The following CCDC141 variants were observed in gnomAD, a reference collection of about 807,000 sequenced individuals.
The protein encoded by CCDC141 is coiled-coil domain-containing protein 141.
CCDC141 carries 168 observed loss-of-function variants against 181.0 expected under a neutral mutation model. That is an observed-to-expected ratio of 0.93 (90% confidence interval 0.82 to 1.05). The LOEUF (loss-of-function observed/expected upper bound fraction) is 1.05. Ranked by LOEUF, CCDC141 falls within the 50% of genes least tolerant of loss-of-function variation. The probability of loss-of-function intolerance (pLI) is 0.00; values close to 1 mark genes in which losing one functional copy is unlikely to be tolerated. For synonymous variants in CCDC141, 666 were observed against 642.3 expected (o/e 1.04, Z -0.56); for missense variants, 1,902 against 1,788.5 (o/e 1.06, Z -1.14).
intron 12 of CCDC141, chr2:178,872,944 G>T (rs565446390): frequency 1.3e-5 from 2 of 152,156 alleles, no homozygotes; most frequent in Admixed American, 1.3e-4. Flanking sequence ...CTGCTTGACT[G>T]GTTTGAAATC....
intron 2 of CCDC141, among the ~76,000 whole-genome samples, chr2:178,983,206 C>A (rs1017706424): frequency 1.3e-5 from 2 of 152,208 alleles, no homozygotes; most frequent in Admixed American, 6.5e-5. Flanking sequence ...CAGGGGCACA[C>A]TGACACCTCA....
intron 17 of CCDC141, among the ~76,000 whole-genome samples, chr2:178,862,032 G>A (rs1197904154): frequency 6.6e-6 from 1 of 152,132 alleles, no homozygotes; most frequent in African/African-American, 2.4e-5. Flanking sequence ...ATGTCAGACG[G>A]TTTTAATTTT....
chr2:179,024,689 C>T (rs1325620371), intron 2 of CCDC141, among the ~76,000 whole-genome samples: 1 of 152,208 alleles, frequency 6.6e-6, no homozygotes, highest in East Asian at 1.9e-4. Context: ...CTCAAACACA[C>T]TGCTGTTTTC....
chr2:179,043,457 G>A (rs2043380889), intron 2 of CCDC141, among the ~76,000 whole-genome samples: 1 of 152,094 alleles, frequency 6.6e-6, no homozygotes, highest in Non-Finnish European at 1.5e-5. Context: ...CAAAATACTA[G>A]TAAACCAAAT....
chr2:178,968,824 A>G (rs532156568), intron 4 of CCDC141, among the ~76,000 whole-genome samples: 1 of 151,702 alleles, frequency 6.6e-6, no homozygotes, highest in Admixed American at 6.6e-5. Flanking sequence ...AGATCAACAA[A>G]ACAGACCGCT....
At chr2:178,941,716 G>A (rs913417984) in intron 6 of CCDC141, among the ~76,000 whole-genome samples, 1 of 151,802 alleles carries the variant, frequency 6.6e-6, no homozygotes, top group Non-Finnish European at 1.5e-5. Context: ...ACTTTAGAAG[G>A]CTGAGGTGGG....
chr2:178,962,588 C>T (rs1248710907), intron 4 of CCDC141, among the ~76,000 whole-genome samples: 1 of 151,942 alleles, frequency 6.6e-6, no homozygotes, highest in African/African-American at 2.4e-5. Context: ...CTTTCCCTCC[C>T]CTTCTTTCTT....
chr2:178,914,540 G>T (rs775313893), intron 7 of CCDC141, among the ~76,000 whole-genome samples: 5 of 152,124 alleles, frequency 3.3e-5, no homozygotes, highest in African/African-American at 1.2e-4. Flanking sequence ...TGAACCTTGG[G>T]TAATCATCAA....
intron 14 of CCDC141, among the ~76,000 whole-genome samples, chr2:178,870,023 G>T (rs180885105): frequency 6.6e-6 from 1 of 152,264 alleles, no homozygotes; most frequent in East Asian, 1.9e-4. Context: ...CCTGAAGGCA[G>T]GAGTTCAAGA....
intron 6 of CCDC141, among the ~76,000 whole-genome samples, chr2:178,941,947 A>G (rs1689532975): frequency 8.7e-6 from 1 of 114,490 alleles, no homozygotes; most frequent in Admixed American, 1.1e-4. Context: ...TGACAGAGAG[A>G]GATCCCATCT....
At chr2:179,047,520 T>C (rs2043538694) in intron 1 of CCDC141, 114 bp from the exon 2 acceptor site, 3 of 913,404 alleles carry the variant, frequency 3.3e-6, no homozygotes, top group South Asian at 3.2e-5. Flanking sequence ...AACACTTTTT[T>C]CTATTTTCTA....
At chr2:178,825,897 T>C (rs897303520), downstream of CCDC141, among the ~76,000 whole-genome samples, 3 of 152,178 alleles carry the variant, frequency 2.0e-5, no homozygotes, top group South Asian at 4.1e-4. Context: ...TGGGATTTTC[T>C]AGGTAGAAAG....
intron 8 of CCDC141, among the ~76,000 whole-genome samples, chr2:178,889,376 C>T (rs76294595): frequency 0.071 from 10,796 of 152,150 alleles, 561 homozygotes; most frequent in Admixed American, 0.16. Context: ...TAACAAGTTT[C>T]CTCATATTGT....
Position 178,888,591 on chromosome 2 carries a change from G to C in CCDC141, c.1343C>G (p.Ala448Gly). Residue 448 changes from alanine (A) to glycine (G), a missense_variant, in exon 9 of 24, where the codon GCG (alanine) becomes GGG (glycine). Coordinates refer to ENST00000443758, the MANE Select transcript of CCDC141 (RefSeq NM_173648.4). ...RVDHLTEQCSAHKEYALKKQQ... is the reference protein window; with the variant it reads ...RVDHLTEQCSGHKEYALKKQQ... The stretch of plus-strand genomic sequence containing the variant: ...TTTCTTAAGAGCATATTCCTTGTGC[G>C]CTGAACACTGTTCGGTCAGATGATC... 2.6e-6 allele frequency: 4 copies of C among 1,550,574 alleles called. No individual in the cohort carries two copies. Among genetic ancestry groups the C allele is most frequent in the Non-Finnish European group, 3.5e-6 (4 of 1,146,818 alleles).
intron 4 of CCDC141, 84 bp from the exon 5 acceptor site, chr2:178,961,567 T>C: frequency 9.4e-7 from 1 of 1,066,948 alleles, no homozygotes; most frequent in Non-Finnish European, 1.3e-6. Flanking sequence ...TAATTTAAAA[T>C]ATATGTAATT....
intron 8 of CCDC141, among the ~76,000 whole-genome samples, chr2:178,901,844 A>G (rs545906412): frequency 1.3e-3 from 192 of 152,302 alleles, no homozygotes; most frequent in African/African-American, 4.4e-3. Context: ...ACATGATTGT[A>G]TATCTAGAAA....
chr2:178,925,933 T>C (rs1394142663), intron 6 of CCDC141, among the ~76,000 whole-genome samples: 1 of 152,172 alleles, frequency 6.6e-6, no homozygotes, highest in East Asian at 1.9e-4. Context: ...TTGTGATGTT[T>C]ACCTTTTGTG....
intron 6 of CCDC141, among the ~76,000 whole-genome samples, chr2:178,927,626 G>A (rs1351626907): frequency 1.3e-5 from 2 of 152,102 alleles, no homozygotes; most frequent in African/African-American, 4.8e-5. Context: ...GTTTCCTATA[G>A]GAAGCAATAT....
chr2:178,946,291 A>G (rs965291925), intron 5 of CCDC141, among the ~76,000 whole-genome samples: 1 of 152,218 alleles, frequency 6.6e-6, no homozygotes, highest in African/African-American at 2.4e-5. Context: ...CAATGTGCCT[A>G]TGAAAACACA....
Sources: gnomAD v4.1 joint callset for allele counts (sites outside exome capture counted in the v4.1 genomes callset) on GRCh38, gnomAD v4.1.1 for gene constraint, MANE v1.5 for transcripts, NCBI Gene and HGNC (gene_info 2026-07-23, HGNC 2026-07-21) for gene names.